CTCF: variants seen among roughly 807,000 people sequenced by gnomAD.
The protein encoded by CTCF is CCCTC-binding factor, also known as transcriptional repressor CTCF.
A neutral mutation model predicts 72.3 loss-of-function variants in CTCF; 7 were observed. That is an observed-to-expected ratio of 0.10 (90% CI 0.06 to 0.18). The LOEUF (loss-of-function observed/expected upper bound fraction) is 0.18, where lower values mean the gene tolerates loss of function less well. CTCF is among the 10% of genes least tolerant of loss of function. The probability of loss-of-function intolerance (pLI) is 1.00; values close to 1 mark genes in which losing one functional copy is unlikely to be tolerated. For synonymous variants in CTCF, 374 were observed against 315.8 expected (o/e 1.18, Z -1.95); for missense variants, 516 against 949.1 (o/e 0.54, Z 6.00).
chr16:67,616,970 A>T lies in CTCF; in HGVS notation c.1086+92A>T. 2.3e-6 allele frequency: 3 copies of T among 1,313,562 alleles called. No homozygotes were observed. In the South Asian group the frequency reaches 3.8e-5, roughly 16 times the overall value. 81.4% of individuals were successfully genotyped at this position (1,313,562 alleles called of 1,614,324 possible). A position where few individuals can be genotyped will look rare whatever the true frequency, so the allele number is the denominator to read the frequency against. On this transcript the variant is annotated intron_variant, in intron 5 of 11. Transcript: ENST00000264010. ...TAACTACTACCCAAACGGACTTAAG[A>T]TGAGGTAGAAAAATGTTAGTAAATT...
chr16:67,607,671 A>G (rs1241498716), intron 2 of CTCF, among the ~76,000 whole-genome samples: 1 of 151,980 alleles, frequency 6.6e-6, no homozygotes, highest in African/African-American at 2.4e-5. Flanking sequence ...TCTATTATAT[A>G]TTCAATTTGG....
At chr16:67,577,357 C>CAA (rs72483780) in intron 2 of CTCF, among the ~76,000 whole-genome samples, 5 of 61,406 alleles carry the variant, frequency 8.1e-5, no homozygotes, top group East Asian at 1.1e-3. Flanking sequence ...GGCTCTGTCT[C>CAA]AAAAAAAAAA....
At chr16:67,602,671 G>A (rs1384488010) in intron 2 of CTCF, among the ~76,000 whole-genome samples, 5 of 151,890 alleles carry the variant, frequency 3.3e-5, no homozygotes, top group East Asian at 3.9e-4. Flanking sequence ...GAGAAACCCT[G>A]TCTCTCCTAA....
intron 2 of CTCF, among the ~76,000 whole-genome samples, chr16:67,581,084 G>A (rs890712298): frequency 2.6e-5 from 4 of 151,360 alleles, no homozygotes; most frequent in African/African-American, 7.3e-5. Context: ...ACCCGCCACC[G>A]CACCCAGCTA....
chr16:67,571,771 A>T (rs1400369142), intron 2 of CTCF, among the ~76,000 whole-genome samples: 2 of 152,158 alleles, frequency 1.3e-5, no homozygotes, highest in Non-Finnish European at 2.9e-5. Context: ...TCTTAATTTG[A>T]GTTAGCCTAG....
chr16:67,575,433 C>G (rs1007727631), intron 2 of CTCF, among the ~76,000 whole-genome samples: 1 of 152,004 alleles, frequency 6.6e-6, no homozygotes, highest in African/African-American at 2.4e-5. Flanking sequence ...GAGGTGACTT[C>G]CTTGGGCTTC....
intron 5 of CTCF, among the ~76,000 whole-genome samples, chr16:67,620,332 C>G (rs1211162275): frequency 6.6e-6 from 1 of 152,014 alleles, no homozygotes; most frequent in Non-Finnish European, 1.5e-5. Context: ...TTCCGAGTAG[C>G]TGGGATTACA....
intron 2 of CTCF, among the ~76,000 whole-genome samples, chr16:67,572,758 G>A (rs995949462): frequency 6.6e-6 from 1 of 152,078 alleles, no homozygotes; most frequent in African/African-American, 2.4e-5. Context: ...TGGCCAACAT[G>A]GTAAAACCCC....
chr16:67,590,255 C>G (rs1416758306), intron 2 of CTCF, among the ~76,000 whole-genome samples: 3 of 151,964 alleles, frequency 2.0e-5, no homozygotes, highest in Admixed American at 1.3e-4. Flanking sequence ...TTCACTGTTG[C>G]CATTACAAAT....
At chr16:67,619,169 C>G (rs778704613) in intron 5 of CTCF, among the ~76,000 whole-genome samples, 1 of 152,210 alleles carries the variant, frequency 6.6e-6, no homozygotes, top group African/African-American at 2.4e-5. Flanking sequence ...GGCGCGGTAG[C>G]TCACGCCTGT....
chr16:67,624,428 C>T (rs2052254040), intron 7 of CTCF, among the ~76,000 whole-genome samples: 2 of 152,082 alleles, frequency 1.3e-5, no homozygotes, highest in Non-Finnish European at 2.9e-5. Context: ...GATCTGTTAG[C>T]AGTGTTCTTC....
chr16:67,576,287 G>A (rs1039059164), intron 2 of CTCF, among the ~76,000 whole-genome samples: 64 of 151,846 alleles, frequency 4.2e-4, no homozygotes, highest in Non-Finnish European at 7.5e-4. Context: ...TATAGCAGAA[G>A]CTCAATAAGT....
At chr16:67,632,063 G>C (rs1224422417) in intron 10 of CTCF, among the ~76,000 whole-genome samples, 1 of 136,990 alleles carries the variant, frequency 7.3e-6, no homozygotes, top group Non-Finnish European at 1.6e-5. Context: ...AACAGAGCGA[G>C]ACCCTGTCTC....
At chr16:67,628,903 A>C (rs551106060) in intron 9 of CTCF, among the ~76,000 whole-genome samples, 21 of 152,274 alleles carry the variant, frequency 1.4e-4, no homozygotes, top group Admixed American at 1.3e-3. Context: ...TACTAAAAAT[A>C]CAAAAAATTA....
rs77345232 is a variant in CTCF at position 67,638,367 on chromosome 16, G to T, written c.*495G>T. ...CAGTAGTATGGCATGCTACGATCAG[G>T]TTCTGTCCTGAAAGCTTTGCCTCTT... On this transcript the variant is annotated 3_prime_UTR_variant, in exon 12 of 12. Transcript: ENST00000264010. The T allele has an allele frequency of 1.3e-5, 3 of 226,510 alleles. No individual in the cohort carries two copies. The highest frequency in any genetic ancestry group is 2.6e-5 in the Non-Finnish European group (3 of 113,960). The allele number at this position is 226,510 out of a possible 1,614,324, so 14.0% of individuals were successfully genotyped here.
intron 2 of CTCF, among the ~76,000 whole-genome samples, chr16:67,608,559 A>G (rs2052010158): frequency 6.6e-6 from 1 of 152,132 alleles, no homozygotes; most frequent in Non-Finnish European, 1.5e-5. Flanking sequence ...ATTGCTGTTG[A>G]GTGGGTATAA....
intron 2 of CTCF, among the ~76,000 whole-genome samples, chr16:67,607,206 C>G (rs1243233241): frequency 6.6e-6 from 1 of 152,158 alleles, no homozygotes; most frequent in Non-Finnish European, 1.5e-5. Flanking sequence ...ATCTGCCCGC[C>G]TCGGCCTCCC....
intron 2 of CTCF, among the ~76,000 whole-genome samples, chr16:67,588,050 G>A (rs995471081): frequency 1.3e-5 from 2 of 152,030 alleles, no homozygotes. Context: ...TAGAGACGGG[G>A]TTTCACCATG....
chr16:67,614,589 C>G (rs1398418489), intron 4 of CTCF: 1 of 152,088 alleles, frequency 6.6e-6, no homozygotes, highest in Non-Finnish European at 1.5e-5. Flanking sequence ...CCTGTAATCC[C>G]AGCACTTTGG....
Sources: allele counts gnomAD v4.1 joint callset (sites outside exome capture counted in the v4.1 genomes callset), GRCh38; gene constraint gnomAD v4.1.1; transcripts MANE v1.5; gene names NCBI Gene and HGNC (gene_info 2026-07-23, HGNC 2026-07-21).